The following PAMR1 variants were observed in gnomAD, a reference collection of about 807,000 sequenced individuals.
PAMR1 encodes the protein peptidase domain containing associated with muscle regeneration 1.
In PAMR1, 88 loss-of-function variants were observed where a neutral mutation model predicts 81.8. The ratio of observed to expected loss-of-function variants is 1.08; its 90% CI spans 0.91 to 1.28. PAMR1 has a LOEUF of 1.28. Among genes scored for constraint, PAMR1 ranks in the 50% most tolerant of loss-of-function variants. PAMR1 has a pLI of 0.00. For missense variants in PAMR1, 935 were observed against 919.7 expected (o/e 1.02, Z -0.21); for synonymous variants, 336 against 345.3 (o/e 0.97, Z 0.30).
upstream of PAMR1, among the ~76,000 whole-genome samples, chr11:35,527,256 T>C (rs970672530): frequency 9.2e-5 from 14 of 152,202 alleles, no homozygotes; most frequent in Admixed American, 2.6e-4. Context: ...GTTAACTCTC[T>C]GAATCTCAGT....
At chr11:35,498,477 A>T (rs1850768593) in intron 1 of PAMR1, among the ~76,000 whole-genome samples, 1 of 152,222 alleles carries the variant, frequency 6.6e-6, no homozygotes, top group South Asian at 2.1e-4. Context: ...CACAGCACCC[A>T]GTATGTACTA....
At chr11:35,478,515 GGAA>G (rs1850322800) in intron 3 of PAMR1, among the ~76,000 whole-genome samples, 1 of 149,642 alleles carries the variant, frequency 6.7e-6, no homozygotes, top group East Asian at 2.0e-4. Context: ...AAATGTGTTT[GGAA>G]GAAGGTATAT....
chr11:35,466,798 A>T (rs1856766691), intron 6 of PAMR1, among the ~76,000 whole-genome samples: 1 of 151,898 alleles, frequency 6.6e-6, no homozygotes, highest in Non-Finnish European at 1.5e-5. Context: ...TTTAGAGAAT[A>T]CTGCCAGACC....
At chr11:35,437,611 T>A (rs1174413946) in intron 8 of PAMR1, among the ~76,000 whole-genome samples, 1 of 152,240 alleles carries the variant, frequency 6.6e-6, no homozygotes, top group Non-Finnish European at 1.5e-5. Context: ...GAGATAGGGA[T>A]ACCCTCCACT....
At chr11:35,517,151 G>C (rs653649) in intron 1 of PAMR1, among the ~76,000 whole-genome samples, 65,460 of 151,966 alleles carry the variant, frequency 0.43, 15,649 homozygotes, top group East Asian at 0.69. Flanking sequence ...GAGATTCACA[G>C]CTCAGTTTGC....
rs1253644062 is a variant in PAMR1, at chr11:35,432,285, A to C, written c.*71T>G. On this transcript the variant is annotated 3_prime_UTR_variant, in exon 11 of 11. Coordinates refer to ENST00000619888, the MANE Select transcript of PAMR1 (RefSeq NM_001001991.3). ...AGGCCAAATCACACTTCAGGCCCAC[A>C]CTGCTTCACGCAATGACACACGTAC... 7.0e-7 allele frequency: 1 copy of C among 1,423,486 alleles called. No homozygotes were observed. Among genetic ancestry groups the C allele is most frequent in the African/African-American group, 1.4e-5 (1 of 71,454 alleles). The allele number at this position is 1,423,486 out of a possible 1,614,324, so 88.2% of individuals were successfully genotyped here. A position where few individuals can be genotyped will look rare whatever the true frequency, so the allele number is the denominator to read the frequency against.
chr11:35,464,633 A>T (rs933728372), intron 6 of PAMR1, among the ~76,000 whole-genome samples: 11 of 152,176 alleles, frequency 7.2e-5, no homozygotes, highest in Non-Finnish European at 7.3e-5. Context: ...GTTGAGAACC[A>T]CTGATTTAAA....
At position 35,441,626 on chromosome 11, in the gene PAMR1, GC is replaced by G. The variant is rs1413382440; in HGVS notation, c.887del (p.Gly296AlafsTer48). 6.2e-7 allele frequency: 1 copy of G among 1,613,824 alleles called. No individual in the cohort carries two copies. The highest frequency in any genetic ancestry group is 8.5e-7 in the Non-Finnish European group (1 of 1,179,882). ...CATGGCGTCCGTTGATAAGCCCAGG[GC>G]CCCCTGTTATTTTCTGGTACCCATT... ...PVNGYQKITG[G>X]PGLINGRHAK... On this transcript the variant is annotated frameshift_variant, in exon 7 of 11. Coordinates refer to ENST00000619888, the MANE Select transcript of PAMR1 (RefSeq NM_001001991.3). LOFTEE classifies it high-confidence loss of function.
intron 2 of PAMR1, among the ~76,000 whole-genome samples, chr11:35,493,227 C>A (rs1400199940): frequency 1.3e-5 from 2 of 152,196 alleles, no homozygotes; most frequent in Admixed American, 6.5e-5. Flanking sequence ...GTCCTCCAAT[C>A]CTTTCCCCAT....
rs533739791 is a variant in PAMR1 at position 35,437,490 on chromosome 11, A to G, written c.1101-1355T>C. Among the ~76,000 whole-genome samples, 531 of 152,368 alleles carry G rather than the reference A, an allele frequency of 3.5e-3. 4 individuals are homozygous for G. Among genetic ancestry groups the G allele is most frequent in the African/African-American group, 0.012 (495 of 41,584 alleles). On this transcript the variant is annotated intron_variant, in intron 8 of 10. Coordinates refer to ENST00000619888, the MANE Select transcript of PAMR1 (RefSeq NM_001001991.3). ...TTCAACAAATCTTTAGCTCATGTTT[A>G]TAATGAGGTCTGTAGCTCAGGGAGC...
intron 6 of PAMR1, among the ~76,000 whole-genome samples, chr11:35,448,928 A>C (rs1336448523): frequency 6.6e-6 from 1 of 151,946 alleles, no homozygotes; most frequent in Non-Finnish European, 1.5e-5. Flanking sequence ...TCCACTCCAG[A>C]CTCTATTCAC....
intron 3 of PAMR1, among the ~76,000 whole-genome samples, chr11:35,491,032 T>G (rs1850614999): frequency 6.6e-6 from 1 of 152,192 alleles, no homozygotes; most frequent in South Asian, 2.1e-4. Flanking sequence ...TGGAACATAA[T>G]CTGCCAGGTA....
chr11:35,517,128 C>T (rs747675077), intron 1 of PAMR1, among the ~76,000 whole-genome samples: 1 of 152,092 alleles, frequency 6.6e-6, no homozygotes, highest in Non-Finnish European at 1.5e-5. Context: ...CATCATCAGG[C>T]GTGCTAACAA....
Position 35,474,748 on chromosome 11 carries a change from AG to A in PAMR1, c.380-5del, listed in dbSNP as rs754145245. The A allele has an allele frequency of 3.8e-4, 607 of 1,582,354 alleles. No homozygotes were observed. Among genetic ancestry groups the A allele is most frequent in the Non-Finnish European group, 5.1e-4 (584 of 1,155,556 alleles). Reference sequence around the variant, plus strand: ...GCTCGCAGAACCTGGCCACATCCTAAGAAAAGAAGAAAAGATTGGGACATAA... The same window carrying A: ...GCTCGCAGAACCTGGCCACATCCTAAAAAAGAAGAAAAGATTGGGACATAA... On this transcript the variant is annotated splice_region_variant and splice_polypyrimidine_tract_variant and intron_variant, in intron 3 of 10. Coordinates refer to ENST00000619888, the MANE Select transcript of PAMR1 (RefSeq NM_001001991.3).
chr11:35,524,732 A>G (rs917138220), intron 1 of PAMR1, among the ~76,000 whole-genome samples: 1 of 152,176 alleles, frequency 6.6e-6, no homozygotes, highest in African/African-American at 2.4e-5. Flanking sequence ...CCTGCCAGCA[A>G]GCAGGATCTG....
chr11:35,522,058 G>A (rs988291993), intron 1 of PAMR1, among the ~76,000 whole-genome samples: 3 of 152,038 alleles, frequency 2.0e-5, no homozygotes, highest in Non-Finnish European at 4.4e-5. Flanking sequence ...GAGTAGCTGG[G>A]ACTACAGGCG....
chr11:35,491,877 C>T (rs1406062512), intron 3 of PAMR1, among the ~76,000 whole-genome samples, 168 bp downstream of exon 3: 3 of 152,228 alleles, frequency 2.0e-5, no homozygotes, highest in African/African-American at 7.2e-5. Flanking sequence ...TCACAATCCA[C>T]ACCTTGCAGA....
intron 1 of PAMR1, among the ~76,000 whole-genome samples, chr11:35,498,882 T>C (rs1173521898): frequency 6.6e-6 from 1 of 152,194 alleles, no homozygotes; most frequent in Non-Finnish European, 1.5e-5. Context: ...ATCCCATCCG[T>C]GGTTATTTCT....
rs749818601 is a variant in PAMR1 at position 35,494,090 on chromosome 11, A to T, written c.250+6T>A. On this transcript the variant is annotated splice_donor_region_variant and intron_variant, in intron 2 of 10. Transcript: ENST00000619888. ...GGCAACCTGAAGTCTCCCATTCCAC[A>T]CTCACCTGGGTGGATCAGGCAGGAG... is the stretch of plus-strand genomic sequence containing the variant. 3.7e-6 allele frequency: 6 copies of T among 1,612,302 alleles called. No homozygotes were observed. The South Asian group carries it at 4.4e-5, about 12-fold the overall frequency.
Sources: allele counts gnomAD v4.1 joint callset (sites outside exome capture counted in the v4.1 genomes callset), GRCh38; gene constraint gnomAD v4.1.1; transcripts MANE v1.5; gene names NCBI Gene and HGNC (gene_info 2026-07-23, HGNC 2026-07-21).